The following TMEM94 variants were observed in gnomAD, a reference collection of about 807,000 sequenced individuals.
TMEM94 encodes the protein transmembrane protein 94, also known as ER Mg2+ ATPase.
In TMEM94, 81 loss-of-function variants were observed where a neutral mutation model predicts 158.6. The observed-to-expected ratio is 0.51, with a 90% CI of 0.43 to 0.61. The LOEUF (loss-of-function observed/expected upper bound fraction) is 0.61, where lower values mean the gene tolerates loss of function less well. Ranked by LOEUF, TMEM94 falls within the 20% of genes least tolerant of loss-of-function variation. The pLI is 0.00. For synonymous variants in TMEM94, 751 were observed against 730.7 expected, an observed-to-expected ratio of 1.03 and a Z score of -0.45; for missense variants, 1,435 against 1,762.0, an observed-to-expected ratio of 0.81 and a Z score of 3.32.
rs551555472 is a variant in TMEM94, at chr17:75,488,006, T to C, written c.484T>C (p.Ser162Pro). 25 of 1,614,174 alleles carry C rather than the reference T, an allele frequency of 1.5e-5. No homozygotes were observed. The South Asian group carries it at 2.2e-4, about 14-fold the overall frequency. The change falls in exon 6 of 32, where the codon TCC (serine) becomes CCC (proline). Residue 162 changes from serine (S) to proline (P), a missense_variant. Ser to Pro is a moderately conservative substitution (Grantham distance 74). This residue lies in a region of TMEM94 where 1,051 missense variants were observed against 1,254.4 expected (regional missense o/e 0.84). Transcript: ENST00000314256. ...YPDLHMPFAP[S>P]WSLHWAYRDG... is the part of the protein sequence containing the mutation. The stretch of plus-strand genomic sequence containing the variant: ...AGACCTCCACATGCCTTTTGCGCCA[T>C]CCTGGTCCTTGCACTGGGCCTACAG...
At chr17:75,470,574 G>A (rs1006956868) in intron 1 of TMEM94, among the ~76,000 whole-genome samples, 2 of 151,824 alleles carry the variant, frequency 1.3e-5, no homozygotes, top group East Asian at 2.0e-4. Flanking sequence ...GCGTGGTGGC[G>A]GGCGCCTGTA....
Position 75,491,778 on chromosome 17 carries a change from G to A in TMEM94, c.1474G>A (p.Glu492Lys), listed in dbSNP as rs371891776. ...GCAGGAGCGTGGCGACTGGCCTGGC[G>A]AGGCTCCCAAGCCCCCCGAGCCCTA... Reference protein sequence around the residue: ...NEQERGDWPGEAPKPPEPYSH... With the variant: ...NEQERGDWPGKAPKPPEPYSH... The change falls in exon 14 of 32, where the codon GAG (glutamate) becomes AAG (lysine). Residue 492 changes from glutamate to lysine, a missense_variant. Coordinates refer to ENST00000314256, the MANE Select transcript of TMEM94 (RefSeq NM_014738.6). This position sits in a 1 kb window ranked among gnomAD's most constrained non-coding sequence, Gnocchi z 5.1. 4.2e-5 allele frequency: 67 copies of A among 1,613,910 alleles called. No individual in the cohort carries two copies. The highest frequency in any genetic ancestry group is 2.3e-5 in the Non-Finnish European group (27 of 1,180,036).
At chr17:75,463,178 G>GTGTGTGTGTGTATATATATATA (rs1180723796) in intron 1 of TMEM94, among the ~76,000 whole-genome samples, 3 of 15,080 alleles carry the variant, frequency 2.0e-4, no homozygotes, top group African/African-American at 5.0e-4. Flanking sequence ...GTGTGTGTGT[G>GTGTGTGTGTGTATATATATATA]TATATATATA....
intron 1 of TMEM94, among the ~76,000 whole-genome samples, chr17:75,463,178 G>GTGTGTGTGTATATATATATA (rs1180723796): frequency 6.6e-4 from 10 of 15,080 alleles, no homozygotes; most frequent in African/African-American, 1.5e-3. Context: ...GTGTGTGTGT[G>GTGTGTGTGTATATATATATA]TATATATATA....
chr17:75,460,774 A>G (rs763467307), intron 1 of TMEM94, among the ~76,000 whole-genome samples: 6 of 152,094 alleles, frequency 3.9e-5, no homozygotes, highest in African/African-American at 7.2e-5. Context: ...GGCCTCCCAA[A>G]GTGCTGGAAT....
Position 75,499,006 on chromosome 17 carries a change from C to G in TMEM94, c.3922C>G (p.Leu1308Val). 2 of 1,603,904 alleles carry G rather than the reference C, an allele frequency of 1.2e-6. No homozygotes were observed. Among genetic ancestry groups the G allele is most frequent in the Non-Finnish European group, 1.7e-6 (2 of 1,176,706 alleles). Residue 1308 changes from leucine to valine, a missense_variant, in exon 31 of 32, where the codon CTG becomes GTG. Leu to Val is a conservative substitution (Grantham distance 32, BLOSUM62 1). This residue lies in a region of TMEM94 where 335 missense variants were observed against 409.1 expected (regional missense o/e 0.82). Coordinates refer to ENST00000314256, the MANE Select transcript of TMEM94 (RefSeq NM_014738.6). ...VHFGLEDVPL[L>V]TWLLGCLSLV... ...CTTTGGCCTGGAGGACGTGCCCCTG[C>G]TGACATGGCTCCTGGGCTGCCTGTC...
rs1465012624 is a variant in TMEM94, at chr17:75,486,270, CCT to C, written c.273-15_273-14del. On this transcript the variant is annotated intron_variant, in intron 4 of 31. Coordinates refer to ENST00000314256, the MANE Select transcript of TMEM94 (RefSeq NM_014738.6). ...GAGCCCTCACTCCCTGTGGGTGCGG[CCT>C]CTCTTTCCTCCCACCAGCCGTGGGG... is the stretch of plus-strand genomic sequence containing the variant. 3 of 1,613,316 alleles carry C rather than the reference CCT, an allele frequency of 1.9e-6. No homozygotes were observed. The highest frequency in any genetic ancestry group is 2.2e-5 in the South Asian group (2 of 91,056).
At chr17:75,478,758 G>A (rs1433200041) in intron 2 of TMEM94, among the ~76,000 whole-genome samples, 1 of 152,216 alleles carries the variant, frequency 6.6e-6, no homozygotes, top group African/African-American at 2.4e-5. Flanking sequence ...GAAAACAGCG[G>A]AATGGGGTTT....
intron 1 of TMEM94, among the ~76,000 whole-genome samples, chr17:75,461,719 C>G (rs908258152): frequency 4.6e-5 from 7 of 151,336 alleles, no homozygotes; most frequent in African/African-American, 1.7e-4. Context: ...GTCAGGAGAT[C>G]GAGACCATCC....
Position 75,485,391 on chromosome 17 carries a change from C to T in TMEM94, c.25-37C>T. On this transcript the variant is annotated intron_variant, in intron 2 of 31. Coordinates refer to ENST00000314256, the MANE Select transcript of TMEM94 (RefSeq NM_014738.6). This position sits in a 1 kb window ranked among gnomAD's most constrained non-coding sequence, Gnocchi z 5.5. Reference sequence around the variant, plus strand: ...CCCGCGTGCCTTGCATAGCCTTGGCCTGGCAGTGACGCCCAGCGCCTCCTG... The same window carrying T: ...CCCGCGTGCCTTGCATAGCCTTGGCTTGGCAGTGACGCCCAGCGCCTCCTG... 6.2e-7 allele frequency: 1 copy of T among 1,601,538 alleles called. No homozygotes were observed. The highest frequency in any genetic ancestry group is 8.5e-7 in the Non-Finnish European group (1 of 1,171,134).
chr17:75,496,266 C>T lies in TMEM94; in HGVS notation c.3054-16C>T. 2 of 1,614,026 alleles carry T rather than the reference C, an allele frequency of 1.2e-6. No homozygotes were observed. Among genetic ancestry groups the T allele is most frequent in the Non-Finnish European group, 1.7e-6 (2 of 1,179,936 alleles). On this transcript the variant is annotated splice_polypyrimidine_tract_variant and intron_variant, in intron 23 of 31. Transcript: ENST00000314256. Reference sequence around the variant, plus strand: ...GGAGATACAGCTGAAGTGTGTGTGTCCCCCACCCTGAGCAGCATTGCCCTG... The same window carrying T: ...GGAGATACAGCTGAAGTGTGTGTGTTCCCCACCCTGAGCAGCATTGCCCTG...
At position 75,491,915 on chromosome 17, in the gene TMEM94, T is replaced by C. The variant is rs368884786; in HGVS notation, c.1596+15T>C. The C allele has an allele frequency of 1.4e-4, 220 of 1,600,004 alleles. No individual in the cohort carries two copies. Among genetic ancestry groups the C allele is most frequent in the Non-Finnish European group, 1.8e-4 (215 of 1,174,252 alleles). ...AGCCCAGCAAGGTGACGGGAGGGGG[T>C]GGCACGGGGCAGCCACACCCTCGGC... On this transcript the variant is annotated intron_variant, in intron 14 of 31. Coordinates refer to ENST00000314256, the MANE Select transcript of TMEM94 (RefSeq NM_014738.6). This position sits in a 1 kb window ranked among gnomAD's most constrained non-coding sequence, Gnocchi z 5.1.
At chr17:75,463,059 T>C (rs1207907588) in intron 1 of TMEM94, among the ~76,000 whole-genome samples, 1 of 15,498 alleles carries the variant, frequency 6.5e-5, no homozygotes, top group Non-Finnish European at 1.0e-4. Context: ...TATATATATA[T>C]ATATATATAT....
chr17:75,484,641 C>T (rs1053527921), intron 2 of TMEM94, among the ~76,000 whole-genome samples: 1 of 151,950 alleles, frequency 6.6e-6, no homozygotes, highest in Non-Finnish European at 1.5e-5. Flanking sequence ...GAGTGATCCA[C>T]CTGCCTCCAC....
Position 75,490,267 on chromosome 17 carries a change from T to G in TMEM94, c.988T>G (p.Phe330Val), listed in dbSNP as rs370511327. 3 of 1,614,008 alleles carry G rather than the reference T, an allele frequency of 1.9e-6. No individual in the cohort carries two copies. Among genetic ancestry groups the G allele is most frequent in the Non-Finnish European group, 2.5e-6 (3 of 1,180,018 alleles). Residue 330 changes from phenylalanine (F) to valine (V), a missense_variant, in exon 10 of 32, where the codon TTT becomes GTT. By Grantham distance (50) the Phe-to-Val change is conservative (BLOSUM62 -1). Transcript: ENST00000314256. ...NGVLPILPLLFPVLWVLATAC... is the reference protein window; with the variant it reads ...NGVLPILPLLVPVLWVLATAC... The stretch of plus-strand genomic sequence containing the variant: ...CGTCCTGCCCATCCTCCCCCTGCTC[T>G]TTCCAGTCCTCTGGGTTCTGGCAAC...
rs1206556204 is a variant in TMEM94 at position 75,488,823 on chromosome 17, C to T, written c.677C>T (p.Pro226Leu). The T allele has an allele frequency of 6.2e-7, 1 of 1,613,032 alleles. No homozygotes were observed. Among genetic ancestry groups the T allele is most frequent in the Non-Finnish European group, 8.5e-7 (1 of 1,179,364 alleles). ...CCCCCCTTCTCCCCTCCACCCTCAC[C>T]CCGGGGAGAAGTGGAGAGAGGGCCA... The part of the protein sequence containing the change: ...LFPPFSPPPS[P>L]RGEVERGPQS... The change falls in exon 7 of 32, where the codon CCC (proline) becomes CTC (leucine). Residue 226 changes from proline (P) to leucine (L), a missense_variant. Physicochemically the swap from Pro to Leu is moderately conservative, Grantham distance 98 (BLOSUM62 -3). Around this residue, in one of 3 missense-constraint regions of TMEM94, gnomAD observed 1,051 missense variants for 1,254.4 expected, o/e 0.84. Coordinates refer to ENST00000314256, the MANE Select transcript of TMEM94 (RefSeq NM_014738.6).
At position 75,489,908 on chromosome 17, in the gene TMEM94, G is replaced by A. The variant is rs1276364612; in HGVS notation, c.954+246G>A. The A allele has an allele frequency of 2.3e-5, 13 of 576,462 alleles. No individual in the cohort carries two copies. The highest frequency in any genetic ancestry group is 4.0e-5 in the South Asian group (2 of 49,808). 35.7% of individuals were successfully genotyped at this position (576,462 alleles called of 1,614,324 possible). ...ATCCTGGCCAATATGGTGAAACCCC[G>A]TCTCTACTAAGAATATAAAAATTAG... is the stretch of plus-strand genomic sequence containing the variant. On this transcript the variant is annotated intron_variant, in intron 9 of 31. Transcript: ENST00000314256. This position sits in a 1 kb window ranked among gnomAD's most constrained non-coding sequence, Gnocchi z 5.0.
intron 2 of TMEM94, among the ~76,000 whole-genome samples, chr17:75,473,767 G>C (rs746609610): frequency 6.6e-6 from 1 of 152,166 alleles, no homozygotes. Flanking sequence ...AGAGCTTTAG[G>C]CACCAGGGAG....
chr17:75,460,451 A>C (rs1286135997), intron 1 of TMEM94, among the ~76,000 whole-genome samples: 1 of 152,174 alleles, frequency 6.6e-6, no homozygotes, highest in East Asian at 1.9e-4. Flanking sequence ...CGTGAAAGCC[A>C]AGTAGGGAAT....
Sources: gnomAD v4.1 joint callset for allele counts (sites outside exome capture counted in the v4.1 genomes callset) on GRCh38, gnomAD v4.1.1 for gene constraint, gnomAD v4.1.1 regional missense constraint, Gnocchi (gnomAD v3.1) non-coding constraint, MANE v1.5 for transcripts, NCBI Gene and HGNC (gene_info 2026-07-23, HGNC 2026-07-21) for gene names.